Variants in NFU1 observed in about 807,000 individuals in gnomAD.
NFU1 encodes the protein NFU1 iron-sulfur cluster scaffold homolog, mitochondrial.
NFU1 carries 30 observed loss-of-function variants against 32.2 expected under a neutral mutation model. The observed-to-expected ratio is 0.93, with a 90% CI of 0.70 to 1.26. The LOEUF (loss-of-function observed/expected upper bound fraction) is 1.26, where lower values mean the gene tolerates loss of function less well. Ranked by LOEUF, NFU1 falls within the 50% of genes most tolerant of loss-of-function variation. The pLI, the probability that NFU1 is intolerant of heterozygous loss-of-function variation, is 0.00. For synonymous variants in NFU1, 112 were observed against 104.6 expected (o/e 1.07, Z -0.43); for missense variants, 306 against 306.6 (o/e 1.00, Z 0.02).
upstream of NFU1, chr2:69,437,615 G>A (rs762514899): frequency 1.4e-5 from 10 of 700,756 alleles, no homozygotes; most frequent in Non-Finnish European, 2.3e-5. Context: ...AAGAGAGGCC[G>A]GGGAACCTTT....
At chr2:69,410,344 G>A (rs541073460) in intron 5 of NFU1, among the ~76,000 whole-genome samples, 7 of 152,138 alleles carry the variant, frequency 4.6e-5, no homozygotes, top group Admixed American at 2.0e-4. Context: ...AGCCGAGATC[G>A]CACCATTGCT....
At chr2:69,437,762 C>G (rs1673908377), upstream of NFU1, 1 of 447,430 alleles carries the variant, frequency 2.2e-6, no homozygotes, top group Admixed American at 3.4e-5. Context: ...GCCCCTAAAC[C>G]TGACCCATTC....
At chr2:69,412,471 C>T (rs571850361) in intron 5 of NFU1, among the ~76,000 whole-genome samples, 41 of 152,026 alleles carry the variant, frequency 2.7e-4, no homozygotes, top group African/African-American at 9.4e-4. Flanking sequence ...ACTGCAACCT[C>T]CGCCTCCCAG....
intron 5 of NFU1, among the ~76,000 whole-genome samples, chr2:69,407,155 GT>G (rs1672721598): frequency 6.6e-6 from 1 of 151,908 alleles, no homozygotes; most frequent in Non-Finnish European, 1.5e-5. Flanking sequence ...GACTAATCCG[GT>G]TGCCCAAGAT....
chr2:69,422,898 T>C (rs1673293382), intron 3 of NFU1, among the ~76,000 whole-genome samples: 1 of 151,996 alleles, frequency 6.6e-6, no homozygotes, highest in African/African-American at 2.4e-5. Flanking sequence ...GTATTTTTTG[T>C]AGACAGGGTT....
intron 2 of NFU1, among the ~76,000 whole-genome samples, chr2:69,429,476 G>T (rs1287509424): frequency 6.6e-6 from 1 of 151,886 alleles, no homozygotes; most frequent in Non-Finnish European, 1.5e-5. Flanking sequence ...CAAGAGGACT[G>T]CTTGAGCCCA....
rs1232449314 is a variant in NFU1 at position 69,430,039 on chromosome 2, A to C, written c.166+1863T>G. 2.9e-5 allele frequency: 9 copies of C among 308,240 alleles called. No individual in the cohort carries two copies. The East Asian group carries it at 6.3e-4, about 22-fold the overall frequency. The allele number at this position is 308,240 out of a possible 1,614,324, so 19.1% of individuals were successfully genotyped here. On this transcript the variant is annotated intron_variant, in intron 2 of 7. Coordinates refer to ENST00000410022, the MANE Select transcript of NFU1 (RefSeq NM_001002755.4). ...GTGAGACCCTGCCTCAAAAACAAAC[A>C]AAAAAAAACACCTAATTTGAATAGG...
At chr2:69,404,127 C>T (rs181460743) in intron 6 of NFU1, among the ~76,000 whole-genome samples, 361 of 151,196 alleles carry the variant, frequency 2.4e-3, no homozygotes, top group Non-Finnish European at 3.6e-3. Flanking sequence ...CGTGAGGCAC[C>T]GCACCCGGCC....
chr2:69,408,471 G>C (rs1672770458), intron 5 of NFU1, among the ~76,000 whole-genome samples: 1 of 152,044 alleles, frequency 6.6e-6, no homozygotes, highest in Non-Finnish European at 1.5e-5. Context: ...TGTAATCCCA[G>C]CACTTTGGGA....
chr2:69,415,219 G>A lies in NFU1; in HGVS notation c.450C>T (p.Pro150=), dbSNP rs770281955. 6 of 1,611,634 alleles carry A rather than the reference G, an allele frequency of 3.7e-6. No individual in the cohort carries two copies. The highest frequency in any genetic ancestry group is 1.3e-5 in the African/African-American group (1 of 74,830). The change falls in exon 5 of 8, where the codon CCC becomes CCT. Residue 150 remains proline (P), a synonymous_variant. Coordinates refer to ENST00000410022, the MANE Select transcript of NFU1 (RefSeq NM_001002755.4). ...TIMDFFASGL[P]LVTEETPSGE... Reference sequence around the variant, plus strand: ...CTGAAGGTGTTTCCTCAGTAACCAGGGGTAAGCCAGATGCAAAGAAGTCCA... The same window carrying A: ...CTGAAGGTGTTTCCTCAGTAACCAGAGGTAAGCCAGATGCAAAGAAGTCCA...
chr2:69,400,142 G>C (rs1672472875), intron 7 of NFU1, among the ~76,000 whole-genome samples: 1 of 151,988 alleles, frequency 6.6e-6, no homozygotes, highest in Non-Finnish European at 1.5e-5. Context: ...CAAAGTGCTG[G>C]GATTATAGGT....
At chr2:69,403,988 G>A (rs56131860) in intron 6 of NFU1, among the ~76,000 whole-genome samples, 3,402 of 150,548 alleles carry the variant, frequency 0.023, 135 homozygotes, top group African/African-American at 0.077. Flanking sequence ...ACAGGCCCCC[G>A]CCACCATGCC....
chr2:69,412,014 C>T (rs57220284), intron 5 of NFU1, among the ~76,000 whole-genome samples: 5 of 152,112 alleles, frequency 3.3e-5, no homozygotes, highest in Admixed American at 2.6e-4. Flanking sequence ...CACTTGAAGA[C>T]CAGCCTGGGC....
intron 2 of NFU1, among the ~76,000 whole-genome samples, chr2:69,429,414 G>C (rs959234396): frequency 6.6e-6 from 1 of 151,906 alleles, no homozygotes; most frequent in Non-Finnish European, 1.5e-5. Flanking sequence ...TACAAAAATT[G>C]GTCAGCTGTG....
intron 6 of NFU1, among the ~76,000 whole-genome samples, chr2:69,403,461 GC>G (rs1159802390): frequency 6.6e-6 from 1 of 151,642 alleles, no homozygotes; most frequent in Non-Finnish European, 1.5e-5. Context: ...TGTGATCACA[GC>G]CCACTGCAGC....
intron 2 of NFU1, among the ~76,000 whole-genome samples, chr2:69,424,573 G>A (rs1362605153): frequency 6.6e-6 from 1 of 152,036 alleles, no homozygotes; most frequent in Non-Finnish European, 1.5e-5. Flanking sequence ...TAGAGTGTGA[G>A]CACTGTGCCC....
intron 1 of NFU1, among the ~76,000 whole-genome samples, chr2:69,432,701 A>C (rs116049985): frequency 1.8e-4 from 28 of 152,338 alleles, no homozygotes; most frequent in African/African-American, 6.3e-4. Context: ...ATTTAGAATT[A>C]GGCAATAGAG....
At chr2:69,415,525 G>C (rs186566906) in intron 4 of NFU1, among the ~76,000 whole-genome samples, 32 of 152,076 alleles carry the variant, frequency 2.1e-4, no homozygotes, top group African/African-American at 6.5e-4. Context: ...GACTACAGGT[G>C]TGTGCCTTGA....
intron 7 of NFU1, among the ~76,000 whole-genome samples, chr2:69,397,804 C>T (rs1672388924): frequency 6.6e-6 from 1 of 151,662 alleles, no homozygotes; most frequent in African/African-American, 2.4e-5. Context: ...ATCCCAGCTA[C>T]CTGGGAAGCT....
Sources: allele counts gnomAD v4.1 joint callset (sites outside exome capture counted in the v4.1 genomes callset), GRCh38; gene constraint gnomAD v4.1.1; transcripts MANE v1.5; gene names NCBI Gene and HGNC (gene_info 2026-07-23, HGNC 2026-07-21).